Variants in MACROD2 observed in about 807,000 individuals in gnomAD.
MACROD2 encodes the protein mono-ADP ribosylhydrolase 2, also known as ADP-ribose glycohydrolase MACROD2.
Under a neutral mutation model 70.4 loss-of-function variants are expected in MACROD2, and 36 were observed. That is an observed-to-expected ratio of 0.51 (90% CI 0.39 to 0.68). The LOEUF is 0.68. Ranked by LOEUF, MACROD2 falls within the 30% of genes least tolerant of loss-of-function variation. The probability of loss-of-function intolerance (pLI) is 0.00; values close to 1 mark genes in which losing one functional copy is unlikely to be tolerated. For missense variants in MACROD2, 496 were observed against 538.4 expected, an observed-to-expected ratio of 0.92 and a Z score of 0.78; for synonymous variants, 172 against 178.8, an observed-to-expected ratio of 0.96 and a Z score of 0.30.
rs997165047 is a variant in MACROD2 at position 15,069,588 on chromosome 20, C to T, written c.419-160352C>T. Among the ~76,000 whole-genome samples the T allele has an allele frequency of 2.6e-5, 4 of 152,228 alleles. No individual in the cohort carries two copies. In the South Asian group the frequency reaches 6.2e-4, roughly 24 times the overall value. ...CTTTCCTTGCAGCCTCAGGACACTG[C>T]TCCCTGGATCCACGCTAGCAGTGCT... is the stretch of plus-strand genomic sequence containing the variant. On this transcript the variant is annotated intron_variant, in intron 5 of 17. Transcript: ENST00000684519.
At chr20:15,564,643 G>A (rs150910185) in intron 8 of MACROD2, among the ~76,000 whole-genome samples, 1 of 152,228 alleles carries the variant, frequency 6.6e-6, no homozygotes, top group African/African-American at 2.4e-5. Context: ...AAAATAAAAT[G>A]GTTTCATGAA....
chr20:16,043,951 C>T (rs137995554), intron 16 of MACROD2, among the ~76,000 whole-genome samples: 27 of 152,162 alleles, frequency 1.8e-4, no homozygotes, highest in African/African-American at 6.5e-4. Flanking sequence ...TCTGAAGTGA[C>T]GACTCAGTTT....
intron 5 of MACROD2, among the ~76,000 whole-genome samples, chr20:15,042,356 A>G (rs1171890860): frequency 3.4e-4 from 51 of 152,206 alleles, no homozygotes; most frequent in Admixed American, 3.3e-3. Context: ...AAACAGTAAT[A>G]TAAAAATAAT....
At chr20:14,036,059 G>A (rs775425223) in intron 2 of MACROD2, among the ~76,000 whole-genome samples, 4 of 152,104 alleles carry the variant, frequency 2.6e-5, no homozygotes, top group Non-Finnish European at 4.4e-5. Context: ...GGAGAATGGC[G>A]TGAATCCAGG....
intron 8 of MACROD2, among the ~76,000 whole-genome samples, chr20:15,576,457 G>C (rs1385712644): frequency 6.6e-6 from 1 of 151,942 alleles, no homozygotes; most frequent in Non-Finnish European, 1.5e-5. Context: ...ACTGCAAAAG[G>C]CCAAAGTTTT....
intron 6 of MACROD2, among the ~76,000 whole-genome samples, chr20:15,395,859 G>A (rs897737143): frequency 6.6e-6 from 1 of 152,116 alleles, no homozygotes; most frequent in Non-Finnish European, 1.5e-5. Context: ...CACTTTCTCA[G>A]ACCTAGTACT....
chr20:14,645,358 G>C (rs2046911515), intron 4 of MACROD2, among the ~76,000 whole-genome samples: 1 of 151,730 alleles, frequency 6.6e-6, no homozygotes, highest in Non-Finnish European at 1.5e-5. Flanking sequence ...CTTCTTTTTA[G>C]CACCCATAGA....
At chr20:14,234,867 T>G (rs1028567632) in intron 3 of MACROD2, among the ~76,000 whole-genome samples, 1 of 152,264 alleles carries the variant, frequency 6.6e-6, no homozygotes, top group African/African-American at 2.4e-5. Context: ...CTTGCTTCAC[T>G]ATTTGCTCAT....
chr20:15,623,717 T>G (rs964698857), intron 8 of MACROD2, among the ~76,000 whole-genome samples: 2 of 150,482 alleles, frequency 1.3e-5, no homozygotes, highest in Non-Finnish European at 3.0e-5. Context: ...TCTATCTATC[T>G]ATCGATGTGT....
intron 3 of MACROD2, among the ~76,000 whole-genome samples, chr20:14,148,101 A>G (rs913897858): frequency 6.6e-6 from 1 of 152,236 alleles, no homozygotes; most frequent in Non-Finnish European, 1.5e-5. Context: ...TTAAGGTAAT[A>G]GTAGAAGGAT....
intron 7 of MACROD2, among the ~76,000 whole-genome samples, chr20:15,482,447 A>C (rs963948979): frequency 2.0e-5 from 3 of 152,184 alleles, no homozygotes; most frequent in African/African-American, 7.2e-5. Flanking sequence ...ATTGTCGATG[A>C]GGATGTGCAG....
At chr20:14,635,062 G>T (rs556057589) in intron 4 of MACROD2, among the ~76,000 whole-genome samples, 2 of 152,296 alleles carry the variant, frequency 1.3e-5, no homozygotes, top group African/African-American at 4.8e-5. Flanking sequence ...AGGTGAAGGT[G>T]GTGTGGCCTG....
intron 8 of MACROD2, among the ~76,000 whole-genome samples, chr20:15,840,567 T>C (rs2064159383): frequency 6.6e-6 from 1 of 152,206 alleles, no homozygotes; most frequent in Admixed American, 6.5e-5. Flanking sequence ...CATGCTCACC[T>C]ATATCTACTT....
Position 15,109,645 on chromosome 20 carries a change from G to A in MACROD2, c.419-120295G>A, listed in dbSNP as rs145717054. ...GAAAAAGCAGCTGAACAAATAAAAC[G>A]AATCTTAAGAAAGTAACCTTGAGTA... On this transcript the variant is annotated intron_variant, in intron 5 of 17. Coordinates refer to ENST00000684519, the MANE Select transcript of MACROD2 (RefSeq NM_001351661.2). Among the ~76,000 whole-genome samples, 267 of 152,186 alleles carry A rather than the reference G, an allele frequency of 1.8e-3. 2 individuals carry two copies. Among genetic ancestry groups the A allele is most frequent in the African/African-American group, 5.8e-3 (239 of 41,526 alleles).
At chr20:15,835,687 A>G (rs1183063062) in intron 8 of MACROD2, among the ~76,000 whole-genome samples, 2 of 152,136 alleles carry the variant, frequency 1.3e-5, no homozygotes, top group African/African-American at 4.8e-5. Flanking sequence ...TATGATCCCT[A>G]TTTGAATAAT....
intron 5 of MACROD2, among the ~76,000 whole-genome samples, chr20:15,013,521 C>T (rs544073351): frequency 5.3e-5 from 8 of 152,166 alleles, no homozygotes; most frequent in African/African-American, 1.7e-4. Context: ...AGCTACCGTG[C>T]GCAAGGCCAT....
At chr20:15,402,411 C>A (rs1028908987) in intron 6 of MACROD2, among the ~76,000 whole-genome samples, 1 of 152,174 alleles carries the variant, frequency 6.6e-6, no homozygotes. Context: ...TAATTGAGAA[C>A]TATAAATATT....
chr20:14,205,447 A>G (rs954338089), intron 3 of MACROD2, among the ~76,000 whole-genome samples: 8 of 152,194 alleles, frequency 5.3e-5, no homozygotes, highest in Non-Finnish European at 5.9e-5. Flanking sequence ...TTGAGTACCA[A>G]TACTTTGTTA....
chr20:15,427,546 A>G (rs1568800346), intron 6 of MACROD2, among the ~76,000 whole-genome samples: 1 of 151,914 alleles, frequency 6.6e-6, no homozygotes, highest in African/African-American at 2.4e-5. Context: ...ATACCTGGGG[A>G]AGAGAGAGAG....
Sources: allele counts gnomAD v4.1 joint callset (sites outside exome capture counted in the v4.1 genomes callset), GRCh38; gene constraint gnomAD v4.1.1; transcripts MANE v1.5; gene names NCBI Gene and HGNC (gene_info 2026-07-23, HGNC 2026-07-21).